KDM4C: variants seen among roughly 807,000 people sequenced by gnomAD.
KDM4C encodes lysine-specific demethylase 4C.
KDM4C carries 81 observed loss-of-function variants against 129.3 expected under a neutral mutation model. That is an observed-to-expected ratio of 0.63 (90% CI 0.52 to 0.75). KDM4C has a LOEUF of 0.75. Ranked by LOEUF, KDM4C falls within the 30% of genes least tolerant of loss-of-function variation. KDM4C has a pLI of 0.00. For missense variants in KDM4C, 1,457 were observed against 1,304.0 expected, an observed-to-expected ratio of 1.12 and a Z score of -1.81; for synonymous variants, 573 against 456.1, an observed-to-expected ratio of 1.26 and a Z score of -3.26.
upstream of KDM4C, chr9:6,757,553 G>A: frequency 8.0e-6 from 7 of 878,682 alleles, no homozygotes; most frequent in African/African-American, 3.6e-5. Context: ...CCGGAGAGCT[G>A]CGAGCCCCGA....
intron 18 of KDM4C, 56 bp from the exon 19 acceptor site, chr9:7,128,010 C>T: frequency 4.7e-6 from 6 of 1,285,862 alleles, no homozygotes; most frequent in South Asian, 2.6e-5. Context: ...ATTTTACGTC[C>T]TTTCTTTTCC....
chr9:7,105,937 C>T (rs188656309), intron 18 of KDM4C, among the ~76,000 whole-genome samples: 92 of 152,284 alleles, frequency 6.0e-4, no homozygotes, highest in African/African-American at 2.1e-3. Flanking sequence ...GCTTGGTATA[C>T]TTTGTAAAGA....
chr9:7,156,693 T>G (rs886797075), intron 19 of KDM4C, among the ~76,000 whole-genome samples: 5 of 152,216 alleles, frequency 3.3e-5, no homozygotes, highest in Non-Finnish European at 5.9e-5. Flanking sequence ...GAGGCCTGTG[T>G]TCTGTTCCAT....
chr9:6,973,083 T>G (rs1027410420), intron 8 of KDM4C, among the ~76,000 whole-genome samples: 4 of 152,266 alleles, frequency 2.6e-5, no homozygotes, highest in African/African-American at 9.6e-5. Flanking sequence ...AATTATTTAC[T>G]TATAGTACTA....
intron 4 of KDM4C, among the ~76,000 whole-genome samples, chr9:6,829,427 A>G (rs1029126343): frequency 6.6e-6 from 1 of 152,236 alleles, no homozygotes; most frequent in Admixed American, 6.5e-5. Context: ...GAGAAAGAAC[A>G]TGAAACTCAG....
intron 17 of KDM4C, chr9:7,076,801 A>G (rs1419959117): frequency 3.9e-5 from 41 of 1,041,680 alleles, no homozygotes; most frequent in Non-Finnish European, 4.4e-5. Flanking sequence ...GATTTAGTCC[A>G]ACGTGTCCTA....
intron 14 of KDM4C, among the ~76,000 whole-genome samples, chr9:7,014,935 C>CACAT (rs1324281579): frequency 6.6e-6 from 1 of 151,010 alleles, no homozygotes; most frequent in Non-Finnish European, 1.5e-5. Context: ...CACACACACA[C>CACAT]ACACACACAC....
intron 15 of KDM4C, among the ~76,000 whole-genome samples, chr9:7,018,564 A>C (rs1824103101): frequency 6.6e-6 from 1 of 152,234 alleles, no homozygotes; most frequent in Non-Finnish European, 1.5e-5. Context: ...CTGAATCATA[A>C]ATTTAGAAGT....
At chr9:6,735,050 G>C (rs1817482373) in intron 1 of KDM4C, 1 of 469,530 alleles carries the variant, frequency 2.1e-6, no homozygotes, top group Admixed American at 2.3e-5. Flanking sequence ...GGTGGTCAAA[G>C]AGATGCTCCA....
At chr9:6,795,523 G>A (rs1588315393) in intron 2 of KDM4C, among the ~76,000 whole-genome samples, 1 of 151,946 alleles carries the variant, frequency 6.6e-6, no homozygotes, top group Non-Finnish European at 1.5e-5. Flanking sequence ...GTAGAGACAG[G>A]GTTTCACCAT....
intron 17 of KDM4C, among the ~76,000 whole-genome samples, chr9:7,066,028 A>T (rs1301930164): frequency 6.6e-6 from 1 of 151,936 alleles, no homozygotes; most frequent in Non-Finnish European, 1.5e-5. Context: ...TGAGATCCGC[A>T]TAAAAATATT....
At chr9:7,158,592 T>A (rs11525942) in intron 19 of KDM4C, among the ~76,000 whole-genome samples, 25,528 of 152,152 alleles carry the variant, frequency 0.17, 2,787 homozygotes, top group Non-Finnish European at 0.22. Context: ...CTTCATTTCG[T>A]TGTTTACCCA....
chr9:6,932,765 T>C (rs1444869744), intron 8 of KDM4C, among the ~76,000 whole-genome samples: 1 of 152,200 alleles, frequency 6.6e-6, no homozygotes, highest in African/African-American at 2.4e-5. Flanking sequence ...GGGCATTTTT[T>C]TGATTGCATG....
intron 8 of KDM4C, among the ~76,000 whole-genome samples, chr9:6,937,744 C>G (rs940892939): frequency 7.9e-5 from 12 of 152,086 alleles, no homozygotes; most frequent in African/African-American, 2.7e-4. Context: ...CAGAGTCTTG[C>G]TCTGTCGCCG....
At chr9:7,065,514 A>G (rs1471407856) in intron 17 of KDM4C, among the ~76,000 whole-genome samples, 1 of 152,120 alleles carries the variant, frequency 6.6e-6, no homozygotes, top group Non-Finnish European at 1.5e-5. Flanking sequence ...GTCATGAAAT[A>G]TTTTTACTAA....
chr9:6,996,608 C>T (rs544230983), intron 12 of KDM4C, among the ~76,000 whole-genome samples: 39 of 152,230 alleles, frequency 2.6e-4, no homozygotes, highest in Non-Finnish European at 4.3e-4. Flanking sequence ...AAGGACAAGC[C>T]GTGCTAGTGT....
chr9:6,877,011 A>G (rs992937621), intron 5 of KDM4C, among the ~76,000 whole-genome samples: 7 of 152,176 alleles, frequency 4.6e-5, no homozygotes, highest in Non-Finnish European at 1.0e-4. Flanking sequence ...TCGTTCATTC[A>G]TTATAATGTA....
At chr9:6,905,938 T>C (rs1818235893) in intron 8 of KDM4C, among the ~76,000 whole-genome samples, 1 of 152,188 alleles carries the variant, frequency 6.6e-6, no homozygotes, top group African/African-American at 2.4e-5. Context: ...AGAAAATGAT[T>C]TGGAGTTCAG....
chr9:7,061,086 A>G (rs1036851800), intron 17 of KDM4C, among the ~76,000 whole-genome samples: 6 of 152,196 alleles, frequency 3.9e-5, no homozygotes, highest in Admixed American at 3.9e-4. Context: ...AGCATGACCT[A>G]TGACACCTTA....
Sources: gnomAD v4.1 joint callset for allele counts (sites outside exome capture counted in the v4.1 genomes callset) on GRCh38, gnomAD v4.1.1 for gene constraint, MANE v1.5 for transcripts, NCBI Gene and HGNC (gene_info 2026-07-23, HGNC 2026-07-21) for gene names.